The following ATP10D variants were observed in gnomAD, a reference collection of about 807,000 sequenced individuals.
ATP10D encodes the protein phospholipid-transporting ATPase VD.
Under a neutral mutation model 144.8 loss-of-function variants are expected in ATP10D, and 89 were observed. The ratio of observed to expected loss-of-function variants is 0.61; its 90% CI spans 0.52 to 0.73. The LOEUF (loss-of-function observed/expected upper bound fraction) is 0.73, where lower values mean the gene tolerates loss of function less well. Ranked by LOEUF, ATP10D falls within the 30% of genes least tolerant of loss-of-function variation. The pLI, the probability that ATP10D is intolerant of heterozygous loss-of-function variation, is 0.00. For synonymous variants in ATP10D, 571 were observed against 615.1 expected, an observed-to-expected ratio of 0.93 and a Z score of 1.06; for missense variants, 1,603 against 1,714.8, an observed-to-expected ratio of 0.93 and a Z score of 1.15.
At chr4:47,581,230 C>CA (rs1720499247) in intron 20 of ATP10D, among the ~76,000 whole-genome samples, 1 of 151,740 alleles carries the variant, frequency 6.6e-6, no homozygotes, top group Non-Finnish European at 1.5e-5. Flanking sequence ...TGTAACAAAG[C>CA]AAAAAAAGTA....
Position 47,558,534 on chromosome 4 carries a change from A to G in ATP10D, c.2434+261A>G, listed in dbSNP as rs146440469. Among the ~76,000 whole-genome samples the G allele has an allele frequency of 1.1e-3, 171 of 152,286 alleles. 3 individuals are homozygous for G. The highest frequency in any genetic ancestry group is 3.9e-3 in the African/African-American group (162 of 41,574). On this transcript the variant is annotated intron_variant, in intron 12 of 22. Transcript: ENST00000273859. ...ATTCTGTGCCTAAGTCTTCAACTCA[A>G]TGGGTCTTAGAGTACCTCCTTTATA...
At chr4:47,518,524 G>T (rs369634162) in intron 3 of ATP10D, among the ~76,000 whole-genome samples, 1 of 152,048 alleles carries the variant, frequency 6.6e-6, no homozygotes, top group East Asian at 1.9e-4. Context: ...GAGACTTAGA[G>T]GATTTAAACT....
intron 5 of ATP10D, among the ~76,000 whole-genome samples, chr4:47,534,753 A>G (rs1205000694): frequency 6.6e-6 from 1 of 152,180 alleles, no homozygotes; most frequent in Admixed American, 6.5e-5. Flanking sequence ...TACAGTTTAT[A>G]CTAGAAAAGC....
chr4:47,526,685 A>G (rs1250541243), intron 5 of ATP10D, among the ~76,000 whole-genome samples: 1 of 152,228 alleles, frequency 6.6e-6, no homozygotes, highest in Non-Finnish European at 1.5e-5. Flanking sequence ...AGAAAACAAG[A>G]TCCAGATACA....
intron 1 of ATP10D, among the ~76,000 whole-genome samples, chr4:47,509,229 ATAT>A (rs1716184326): frequency 2.4e-5 from 2 of 81,770 alleles, no homozygotes; most frequent in Non-Finnish European, 4.7e-5. Flanking sequence ...AACATTGAAA[ATAT>A]TATTTCTTTT....
At chr4:47,487,491 A>G (rs1714833889) in intron 1 of ATP10D, among the ~76,000 whole-genome samples, 1 of 152,208 alleles carries the variant, frequency 6.6e-6, no homozygotes, top group South Asian at 2.1e-4. Flanking sequence ...AAAATGCTAC[A>G]AGTAAGATTG....
intron 5 of ATP10D, among the ~76,000 whole-genome samples, chr4:47,526,656 A>G (rs995084998): frequency 2.6e-5 from 4 of 152,216 alleles, no homozygotes; most frequent in Non-Finnish European, 4.4e-5. Flanking sequence ...ACTAGAAATA[A>G]TGAGTTTAGC....
chr4:47,490,333 G>A (rs10737953), intron 1 of ATP10D, among the ~76,000 whole-genome samples: 149,787 of 152,302 alleles, frequency 0.98, 73,707 homozygotes, highest in East Asian at 1. Flanking sequence ...TGCCAAGGTC[G>A]AAAAATAATT....
intron 21 of ATP10D, among the ~76,000 whole-genome samples, chr4:47,586,685 A>C (rs1720807174): frequency 6.6e-6 from 1 of 152,192 alleles, no homozygotes. Flanking sequence ...GTTTCCAGTT[A>C]ACAAGGAAAC....
intron 11 of ATP10D, 101 bp from the exon 12 acceptor site, chr4:47,557,563 G>T: frequency 2.1e-5 from 26 of 1,230,342 alleles, no homozygotes; most frequent in Non-Finnish European, 2.7e-5. Flanking sequence ...ATTTAAGTGA[G>T]TGGTAACTCT....
chr4:47,540,978 C>A (rs1473030274), intron 9 of ATP10D, among the ~76,000 whole-genome samples: 1 of 152,152 alleles, frequency 6.6e-6, no homozygotes, highest in Non-Finnish European at 1.5e-5. Flanking sequence ...GAGGCAGTAG[C>A]ATTGAACACT....
intron 1 of ATP10D, among the ~76,000 whole-genome samples, chr4:47,507,900 G>A (rs1716107063): frequency 6.6e-6 from 1 of 152,224 alleles, no homozygotes; most frequent in Non-Finnish European, 1.5e-5. Flanking sequence ...GGTGTGGTGA[G>A]TGGGTGATAT....
rs895999196 is a variant in ATP10D, at chr4:47,558,979, T to G, written c.2491T>G (p.Leu831Val). 6.2e-7 allele frequency: 1 copy of G among 1,614,166 alleles called. No homozygotes were observed. Among genetic ancestry groups the G allele is most frequent in the Non-Finnish European group, 8.5e-7 (1 of 1,180,012 alleles). The part of the protein sequence containing the change: ...MIVREKTQKH[L>V]DDYAKQGLRT... ...AGTAAGGGAGAAAACCCAGAAGCAC[T>G]TGGATGACTATGCCAAACAAGGCCT... The change falls in exon 13 of 23, where the codon TTG becomes GTG. Residue 831 changes from leucine to valine, a missense_variant. Leu to Val is a conservative substitution (Grantham distance 32). Transcript: ENST00000273859.
intron 1 of ATP10D, among the ~76,000 whole-genome samples, chr4:47,496,514 A>G (rs115257339): frequency 0.01 from 1,550 of 152,250 alleles, 29 homozygotes; most frequent in African/African-American, 0.034. Flanking sequence ...CAGAGAGGAC[A>G]TTTTTAGAGC....
intron 5 of ATP10D, among the ~76,000 whole-genome samples, chr4:47,526,884 TC>T (rs144521309): frequency 0.012 from 1,784 of 152,158 alleles, 30 homozygotes; most frequent in Middle Eastern, 0.024. Flanking sequence ...GAAATCAGTT[TC>T]CCCCCAGATT....
At chr4:47,557,060 G>C (rs529776046) in intron 11 of ATP10D, 36 of 151,914 alleles carry the variant, frequency 2.4e-4, no homozygotes, top group Non-Finnish European at 4.0e-4. Context: ...CTTTCTTCTG[G>C]TGTTTTTGTT....
At chr4:47,493,273 T>C (rs1487237126) in intron 1 of ATP10D, among the ~76,000 whole-genome samples, 1 of 152,202 alleles carries the variant, frequency 6.6e-6, no homozygotes. Context: ...AATGACTTCA[T>C]GGGGAAAATA....
At chr4:47,543,929 G>A (rs527863881) in intron 9 of ATP10D, among the ~76,000 whole-genome samples, 1 of 152,056 alleles carries the variant, frequency 6.6e-6, no homozygotes, top group East Asian at 1.9e-4. Flanking sequence ...TAATACTAGG[G>A]ATATTTCATT....
At chr4:47,506,292 A>T (rs1716017860) in intron 1 of ATP10D, among the ~76,000 whole-genome samples, 1 of 152,228 alleles carries the variant, frequency 6.6e-6, no homozygotes, top group African/African-American at 2.4e-5. Context: ...AATGAAATGA[A>T]ATTCCACATC....
Sources: gnomAD v4.1 joint callset for allele counts (sites outside exome capture counted in the v4.1 genomes callset) on GRCh38, gnomAD v4.1.1 for gene constraint, MANE v1.5 for transcripts, NCBI Gene and HGNC (gene_info 2026-07-23, HGNC 2026-07-21) for gene names.